The following LRRC4C variants were observed in gnomAD, a reference collection of about 807,000 sequenced individuals.
LRRC4C encodes the protein leucine-rich repeat-containing protein 4C.
A neutral mutation model predicts 33.6 loss-of-function variants in LRRC4C; 5 were observed. That is an observed-to-expected ratio of 0.15 (90% CI 0.08 to 0.31). LRRC4C has a LOEUF of 0.31. LRRC4C is among the 10% of genes least tolerant of loss of function. LRRC4C has a pLI of 1.00. For synonymous variants in LRRC4C, 329 were observed against 302.0 expected (o/e 1.09, Z -0.93); for missense variants, 560 against 796.7 (o/e 0.70, Z 3.58).
intron 1 of LRRC4C, among the ~76,000 whole-genome samples, chr11:41,200,287 A>C (rs1167980451): frequency 6.6e-6 from 1 of 152,160 alleles, no homozygotes; most frequent in Non-Finnish European, 1.5e-5. Flanking sequence ...TACATAAATT[A>C]TTCTGAAATG....
chr11:40,407,826 A>C (rs1336395967), intron 3 of LRRC4C, among the ~76,000 whole-genome samples: 2 of 152,080 alleles, frequency 1.3e-5, no homozygotes, highest in African/African-American at 2.4e-5. Flanking sequence ...ATTCCATGTA[A>C]TTGCATCACA....
intron 3 of LRRC4C, among the ~76,000 whole-genome samples, chr11:40,359,302 G>A (rs1363740001): frequency 3.3e-5 from 5 of 152,162 alleles, no homozygotes; most frequent in Non-Finnish European, 7.4e-5. Flanking sequence ...TCTGCTCTGG[G>A]GAACAGATCC....
intron 1 of LRRC4C, among the ~76,000 whole-genome samples, chr11:41,289,605 G>A (rs1949935455): frequency 6.6e-6 from 1 of 152,186 alleles, no homozygotes. Flanking sequence ...AGTACACAGT[G>A]AGAAGCAGGC....
chr11:40,333,859 G>A (rs1438255626), intron 3 of LRRC4C, among the ~76,000 whole-genome samples: 3 of 151,892 alleles, frequency 2.0e-5, no homozygotes, highest in South Asian at 2.1e-4. Flanking sequence ...ACCGCTAAGC[G>A]ATATGTTTTT....
rs566121992 is a variant in LRRC4C at position 40,503,616 on chromosome 11, G to A, written c.-270+144526C>T. On this transcript the variant is annotated intron_variant, in intron 3 of 6. Coordinates refer to ENST00000528697, the MANE Select transcript of LRRC4C (RefSeq NM_001258419.2). ...TTCTTAACTCGCTATCACAATTCTT[G>A]CATGACACAGGACTCAAAGATTGAC... Among the ~76,000 whole-genome samples, 33 of 152,230 alleles carry A rather than the reference G, an allele frequency of 2.2e-4. No homozygotes were observed. The South Asian group carries it at 6.6e-3, about 31-fold the overall frequency.
chr11:40,779,967 T>A (rs1950152028), intron 2 of LRRC4C, among the ~76,000 whole-genome samples: 1 of 152,168 alleles, frequency 6.6e-6, no homozygotes, highest in African/African-American at 2.4e-5. Context: ...AATGGAAACA[T>A]CACAATGTAT....
intron 1 of LRRC4C, among the ~76,000 whole-genome samples, chr11:41,148,484 G>A (rs576082091): frequency 1.3e-5 from 2 of 152,248 alleles, no homozygotes; most frequent in African/African-American, 4.8e-5. Context: ...TTGATTTTGA[G>A]GGGTGGAGGG....
chr11:41,049,417 T>G, intron 1 of LRRC4C, among the ~76,000 whole-genome samples: 1 of 152,190 alleles, frequency 6.6e-6, no homozygotes, highest in East Asian at 1.9e-4. Flanking sequence ...TTTACAGCAG[T>G]GTGAAAACGG....
chr11:40,740,330 T>C (rs1031191422), intron 2 of LRRC4C, among the ~76,000 whole-genome samples: 1 of 152,048 alleles, frequency 6.6e-6, no homozygotes, highest in Non-Finnish European at 1.5e-5. Flanking sequence ...ATTTGTTATC[T>C]TTTGTCTTCT....
intron 3 of LRRC4C, among the ~76,000 whole-genome samples, chr11:40,474,032 G>A (rs1953078812): frequency 6.6e-6 from 1 of 152,060 alleles, no homozygotes; most frequent in African/African-American, 2.4e-5. Context: ...ACTTCCCAAA[G>A]TAATTTATAG....
chr11:40,702,222 A>AAAAATGT (rs1945895672), intron 2 of LRRC4C, among the ~76,000 whole-genome samples: 1 of 152,116 alleles, frequency 6.6e-6, no homozygotes. Context: ...AGTATCAAAG[A>AAAAATGT]AAAATGTAGT....
chr11:41,373,424 C>A (rs1356441927), intron 1 of LRRC4C, among the ~76,000 whole-genome samples: 1 of 152,104 alleles, frequency 6.6e-6, no homozygotes, highest in Non-Finnish European at 1.5e-5. Context: ...AATTTTTAAA[C>A]TATTAAGAAA....
At chr11:40,771,635 C>A (rs1949761174) in intron 2 of LRRC4C, among the ~76,000 whole-genome samples, 1 of 152,124 alleles carries the variant, frequency 6.6e-6, no homozygotes, top group Admixed American at 6.5e-5. Flanking sequence ...GAATGCTTTG[C>A]TGCTTAGAAA....
chr11:40,123,253 G>C (rs939435508), intron 6 of LRRC4C, among the ~76,000 whole-genome samples: 1 of 152,016 alleles, frequency 6.6e-6, no homozygotes, highest in Non-Finnish European at 1.5e-5. Flanking sequence ...ATTGTAGCTA[G>C]AGCAATCAGA....
intron 3 of LRRC4C, among the ~76,000 whole-genome samples, chr11:40,585,469 G>A (rs916050143): frequency 7.1e-6 from 1 of 140,054 alleles, no homozygotes; most frequent in Admixed American, 7.3e-5. Context: ...ATTTGAATTT[G>A]TTATTTCTTT....
chr11:40,622,629 C>A (rs1037213313), intron 3 of LRRC4C, among the ~76,000 whole-genome samples: 9 of 151,868 alleles, frequency 5.9e-5, no homozygotes, highest in Non-Finnish European at 1.2e-4. Context: ...CTTTAGAAGA[C>A]AATCTTAATG....
intron 3 of LRRC4C, among the ~76,000 whole-genome samples, chr11:40,577,525 G>A (rs556506424): frequency 1.3e-5 from 2 of 152,244 alleles, no homozygotes; most frequent in South Asian, 2.1e-4. Flanking sequence ...TTCTTAATGG[G>A]GTAGTGAAAA....
chr11:40,408,934 G>A, intron 3 of LRRC4C, among the ~76,000 whole-genome samples: 1 of 151,844 alleles, frequency 6.6e-6, no homozygotes, highest in East Asian at 1.9e-4. Context: ...GACCACAAAA[G>A]ACTCTGAATA....
chr11:40,119,820 T>C (rs1489543493), intron 6 of LRRC4C, among the ~76,000 whole-genome samples: 1 of 151,938 alleles, frequency 6.6e-6, no homozygotes, highest in Non-Finnish European at 1.5e-5. Flanking sequence ...AATCCAAAGG[T>C]CAAACCCCAG....
Sources: allele counts gnomAD v4.1 joint callset (sites outside exome capture counted in the v4.1 genomes callset), GRCh38; gene constraint gnomAD v4.1.1; transcripts MANE v1.5; gene names NCBI Gene and HGNC (gene_info 2026-07-23, HGNC 2026-07-21).